Variants in CRADD observed in about 807,000 individuals in gnomAD.
CRADD encodes death domain-containing protein CRADD.
Under a neutral mutation model 15.5 loss-of-function variants are expected in CRADD, and 9 were observed. The observed-to-expected ratio is 0.58, with a 90% CI of 0.35 to 1.01. CRADD has a LOEUF of 1.01. CRADD is among the 50% of genes least tolerant of loss of function. The probability of loss-of-function intolerance (pLI) is 0.02; values close to 1 mark genes in which losing one functional copy is unlikely to be tolerated. For missense variants in CRADD, 227 were observed against 250.3 expected (o/e 0.91, Z 0.63); for synonymous variants, 118 against 107.6 (o/e 1.10, Z -0.60).
intron 2 of CRADD, among the ~76,000 whole-genome samples, chr12:93,868,185 A>G (rs1469702849): frequency 6.6e-6 from 1 of 152,238 alleles, no homozygotes; most frequent in Non-Finnish European, 1.5e-5. Context: ...ACTGAAAAGT[A>G]ATGTACAAGG....
intron 2 of CRADD, among the ~76,000 whole-genome samples, chr12:93,858,321 AAG>A (rs1415807251): frequency 2.6e-5 from 4 of 152,238 alleles, no homozygotes; most frequent in Non-Finnish European, 4.4e-5. Context: ...TATGGAGACA[AAG>A]AGAGTCTTAT....
intron 2 of CRADD, among the ~76,000 whole-genome samples, chr12:93,889,817 G>A (rs1177145001): frequency 6.6e-6 from 1 of 152,204 alleles, no homozygotes; most frequent in African/African-American, 2.4e-5. Context: ...AAATCATGGT[G>A]CCATGGAGAG....
rs1031396205 is a variant in CRADD at position 93,850,568 on chromosome 12, T to C, written c.*297T>C. The C allele has an allele frequency of 1.2e-5, 12 of 1,014,222 alleles. No individual in the cohort carries two copies. Among genetic ancestry groups the C allele is most frequent in the Middle Eastern group, 4.3e-4 (1 of 2,324 alleles). The allele number at this position is 1,014,222 out of a possible 1,614,324, so 62.8% of individuals were successfully genotyped here. Reference sequence around the variant, plus strand: ...TAATAGACTAGTAAATCACAGTGGTTCAAAATATATATCCATATATATATA... The same window carrying C: ...TAATAGACTAGTAAATCACAGTGGTCCAAAATATATATCCATATATATATA... On this transcript the variant is annotated 3_prime_UTR_variant, in exon 3 of 3. Coordinates refer to ENST00000332896, the MANE Select transcript of CRADD (RefSeq NM_003805.5). This position sits in a 1 kb window ranked among gnomAD's most constrained non-coding sequence, Gnocchi z 4.0.
intron 2 of CRADD, among the ~76,000 whole-genome samples, chr12:93,826,474 A>G (rs529889655): frequency 7.9e-5 from 12 of 152,334 alleles, no homozygotes; most frequent in Admixed American, 3.3e-4. Context: ...TCTTCCTGTG[A>G]TTTATAGTTG....
intron 2 of CRADD, among the ~76,000 whole-genome samples, chr12:93,746,254 G>A: frequency 6.6e-6 from 1 of 152,216 alleles, no homozygotes; most frequent in East Asian, 1.9e-4. Flanking sequence ...CTTTCTTTCT[G>A]CTAGAAAGGT....
chr12:93,715,455 G>A (rs1411791438), intron 2 of CRADD, among the ~76,000 whole-genome samples: 1 of 152,096 alleles, frequency 6.6e-6, no homozygotes, highest in Non-Finnish European at 1.5e-5. Context: ...TGAGACAGTG[G>A]GCCTCTACCA....
chr12:93,695,943 T>C (rs533585990), intron 2 of CRADD, among the ~76,000 whole-genome samples: 39 of 152,284 alleles, frequency 2.6e-4, no homozygotes, highest in African/African-American at 9.4e-4. Flanking sequence ...GAACAGACAT[T>C]TCTCAAAAGA....
chr12:93,732,621 T>C (rs887453303), intron 2 of CRADD, among the ~76,000 whole-genome samples: 6 of 152,216 alleles, frequency 3.9e-5, no homozygotes, highest in Non-Finnish European at 8.8e-5. Context: ...AGTGGAACTC[T>C]TGTGTAGCAG....
intron 2 of CRADD, among the ~76,000 whole-genome samples, chr12:93,875,127 G>A (rs1958449242): frequency 6.6e-6 from 1 of 152,006 alleles, no homozygotes; most frequent in South Asian, 2.1e-4. Context: ...ATTTAAAATT[G>A]TTATATCCTC....
rs1425000962 is a variant in CRADD, at chr12:93,840,589, G to A, written c.299-9381G>A. Among the ~76,000 whole-genome samples the A allele has an allele frequency of 4.0e-5, 6 of 149,998 alleles. No homozygotes were observed. In the East Asian group the frequency reaches 7.8e-4, roughly 19 times the overall value. On this transcript the variant is annotated intron_variant, in intron 2 of 2. Coordinates refer to ENST00000332896, the MANE Select transcript of CRADD (RefSeq NM_003805.5). The stretch of plus-strand genomic sequence containing the variant: ...TTTTTTTTTCTTCTTTTTTTGAGAT[G>A]GAGTTTCACTCTTGTTGCCCAGGCT...
At chr12:93,702,354 A>G in intron 2 of CRADD, among the ~76,000 whole-genome samples, 1 of 143,204 alleles carries the variant, frequency 7.0e-6, no homozygotes, top group South Asian at 2.2e-4. Context: ...CTAGGGAGAG[A>G]AAAAAAACCA....
At chr12:93,813,305 G>A (rs74801037) in intron 2 of CRADD, among the ~76,000 whole-genome samples, 4 of 152,256 alleles carry the variant, frequency 2.6e-5, no homozygotes, top group African/African-American at 7.2e-5. Context: ...TCAAGAACAC[G>A]CAATAGTCTT....
chr12:93,734,147 CATCT>C (rs1956521464), intron 2 of CRADD, among the ~76,000 whole-genome samples: 2 of 151,986 alleles, frequency 1.3e-5, no homozygotes, highest in Admixed American at 6.6e-5. Flanking sequence ...TCAGTCCATC[CATCT>C]GTCCATCCAT....
chr12:93,817,648 C>T (rs188799021), intron 2 of CRADD, among the ~76,000 whole-genome samples: 7 of 152,068 alleles, frequency 4.6e-5, no homozygotes, highest in Admixed American at 2.6e-4. Context: ...ACCACAAACA[C>T]GCATCAGATG....
At chr12:93,877,251 G>T (rs149749662) in intron 2 of CRADD, among the ~76,000 whole-genome samples, 1 of 152,318 alleles carries the variant, frequency 6.6e-6, no homozygotes, top group East Asian at 1.9e-4. Flanking sequence ...GACTGCTGTG[G>T]ATCACACCTG....
At chr12:93,890,897 G>A (rs893643688) in intron 2 of CRADD, among the ~76,000 whole-genome samples, 6 of 151,416 alleles carry the variant, frequency 4.0e-5, no homozygotes, top group Admixed American at 2.0e-4. Context: ...CTACAGGCAC[G>A]TGCCACACCT....
At chr12:93,778,447 G>A (rs1054293195) in intron 2 of CRADD, among the ~76,000 whole-genome samples, 5 of 152,226 alleles carry the variant, frequency 3.3e-5, no homozygotes, top group Admixed American at 2.0e-4. Context: ...AAGGCCTGGA[G>A]CTGAGTAGGG....
chr12:93,817,367 A>G (rs575582923), intron 2 of CRADD, among the ~76,000 whole-genome samples: 1 of 152,316 alleles, frequency 6.6e-6, no homozygotes, highest in Admixed American at 6.5e-5. Context: ...GAGCTTAACC[A>G]GGCAAAGTGC....
chr12:93,738,332 TC>T, intron 2 of CRADD: 1 of 701,866 alleles, frequency 1.4e-6, no homozygotes. Context: ...GCCCTGGAAC[TC>T]TGCCTTTTTG....
Sources: gnomAD v4.1 joint callset for allele counts (sites outside exome capture counted in the v4.1 genomes callset) on GRCh38, gnomAD v4.1.1 for gene constraint, Gnocchi (gnomAD v3.1) non-coding constraint, MANE v1.5 for transcripts, NCBI Gene and HGNC (gene_info 2026-07-23, HGNC 2026-07-21) for gene names.